Variants in GAP43 observed in about 807,000 individuals in gnomAD.
GAP43 encodes the protein neuromodulin.
GAP43 carries 6 observed loss-of-function variants against 18.6 expected under a neutral mutation model. The ratio of observed to expected loss-of-function variants is 0.32; its 90% CI spans 0.18 to 0.64. The LOEUF (loss-of-function observed/expected upper bound fraction) is 0.64, where lower values mean the gene tolerates loss of function less well. Among genes scored for constraint, GAP43 ranks in the 30% least tolerant of loss-of-function variants. The probability of loss-of-function intolerance (pLI) is 0.78; values close to 1 mark genes in which losing one functional copy is unlikely to be tolerated. For missense variants in GAP43, 292 were observed against 295.5 expected, an observed-to-expected ratio of 0.99 and a Z score of 0.09; for synonymous variants, 115 against 111.4, an observed-to-expected ratio of 1.03 and a Z score of -0.20.
At chr3:115,625,023 A>G (rs1429948369) in intron 1 of GAP43, among the ~76,000 whole-genome samples, 3 of 151,884 alleles carry the variant, frequency 2.0e-5, no homozygotes, top group Non-Finnish European at 4.4e-5. Context: ...AAATTGGGCA[A>G]TTTGTAATAC....
intron 1 of GAP43, among the ~76,000 whole-genome samples, chr3:115,663,230 C>T (rs1708687957): frequency 6.6e-6 from 1 of 152,038 alleles, no homozygotes; most frequent in Admixed American, 6.5e-5. Context: ...TACCTCACTA[C>T]AATTGTGAAA....
At chr3:115,693,252 T>G (rs1321793309) in intron 2 of GAP43, among the ~76,000 whole-genome samples, 1 of 152,208 alleles carries the variant, frequency 6.6e-6, no homozygotes, top group Non-Finnish European at 1.5e-5. Flanking sequence ...GCATCATACC[T>G]GAATTTATTA....
intron 2 of GAP43, among the ~76,000 whole-genome samples, chr3:115,699,172 A>T (rs541513671): frequency 6.6e-6 from 1 of 152,188 alleles, no homozygotes; most frequent in Non-Finnish European, 1.5e-5. Flanking sequence ...TACCTCCGCT[A>T]TTCATCTTGA....
chr3:115,713,378 A>G (rs968423237), intron 2 of GAP43, among the ~76,000 whole-genome samples: 2 of 152,136 alleles, frequency 1.3e-5, no homozygotes, highest in East Asian at 1.9e-4. Context: ...CCAAGAGGTA[A>G]TGTTTTACTC....
At chr3:115,683,145 GCGCACACACACACACACA>G (rs1708982941) in intron 2 of GAP43, among the ~76,000 whole-genome samples, 6 of 105,486 alleles carry the variant, frequency 5.7e-5, no homozygotes, top group African/African-American at 9.8e-5. Flanking sequence ...GCGCGCGCGC[GCGCACACACACACACACA>G]CACACACACA....
intron 2 of GAP43, among the ~76,000 whole-genome samples, chr3:115,716,767 T>TAGAG (rs1559809168): frequency 1.3e-5 from 1 of 79,412 alleles, no homozygotes; most frequent in African/African-American, 4.7e-5. Context: ...TATATATATA[T>TAGAG]ACAGAGAGAG....
At chr3:115,684,562 C>A (rs1030443829) in intron 2 of GAP43, among the ~76,000 whole-genome samples, 2 of 151,558 alleles carry the variant, frequency 1.3e-5, no homozygotes, top group African/African-American at 2.4e-5. Context: ...TCTGGAAGAA[C>A]GGTAAGTTCC....
intron 1 of GAP43, among the ~76,000 whole-genome samples, chr3:115,634,801 A>C (rs1244546049): frequency 2.0e-5 from 3 of 151,848 alleles, no homozygotes; most frequent in Non-Finnish European, 2.9e-5. Context: ...AAATAATAAA[A>C]ATTCCCCAGT....
chr3:115,690,518 T>C (rs888064071), intron 2 of GAP43, among the ~76,000 whole-genome samples: 7 of 152,182 alleles, frequency 4.6e-5, no homozygotes, highest in African/African-American at 1.7e-4. Context: ...TAATGATTTG[T>C]ATAACCTTCA....
At chr3:115,669,182 T>G (rs935571608) in intron 1 of GAP43, among the ~76,000 whole-genome samples, 8 of 152,180 alleles carry the variant, frequency 5.3e-5, no homozygotes, top group African/African-American at 1.9e-4. Flanking sequence ...TATTTTCAAG[T>G]GCTTGTTTAT....
chr3:115,658,023 T>C (rs758721945), intron 1 of GAP43, among the ~76,000 whole-genome samples: 50 of 152,184 alleles, frequency 3.3e-4, no homozygotes, highest in Non-Finnish European at 8.8e-5. Context: ...TTCTTCGGGG[T>C]ATTACATACC....
intron 1 of GAP43, among the ~76,000 whole-genome samples, chr3:115,638,710 TC>T (rs888536893): frequency 6.6e-6 from 1 of 151,954 alleles, no homozygotes; most frequent in Non-Finnish European, 1.5e-5. Flanking sequence ...TAAACACTGT[TC>T]CTTTTGTCTG....
intron 2 of GAP43, among the ~76,000 whole-genome samples, chr3:115,695,708 C>T (rs369861217): frequency 7.2e-5 from 11 of 152,160 alleles, no homozygotes; most frequent in African/African-American, 1.9e-4. Context: ...GTTTAATCCA[C>T]AACAATCACA....
chr3:115,646,915 A>G (rs1382209396), intron 1 of GAP43, among the ~76,000 whole-genome samples: 1 of 152,020 alleles, frequency 6.6e-6, no homozygotes, highest in Non-Finnish European at 1.5e-5. Flanking sequence ...AACCCCTACA[A>G]TGAACCAAAG....
chr3:115,647,555 G>A (rs1193482106), intron 1 of GAP43, among the ~76,000 whole-genome samples: 2 of 151,854 alleles, frequency 1.3e-5, no homozygotes, highest in Non-Finnish European at 1.5e-5. Flanking sequence ...AAAAAACTAG[G>A]AGAGTGCCCA....
chr3:115,676,671 GAC>G, intron 2 of GAP43, 61 bp downstream of exon 2: 1 of 1,457,298 alleles, frequency 6.9e-7, no homozygotes, highest in Non-Finnish European at 9.1e-7. Context: ...CTATTCGGAA[GAC>G]CAGGCCACCT....
At chr3:115,707,449 C>T (rs991506495) in intron 2 of GAP43, among the ~76,000 whole-genome samples, 8 of 151,910 alleles carry the variant, frequency 5.3e-5, no homozygotes, top group African/African-American at 1.9e-4. Context: ...GCCACCATGC[C>T]CAGCTAATTT....
intron 1 of GAP43, among the ~76,000 whole-genome samples, chr3:115,630,670 C>G (rs1293896184): frequency 6.6e-6 from 1 of 152,190 alleles, no homozygotes. Flanking sequence ...TTGCCATACC[C>G]TCACTTGATA....
intron 1 of GAP43, among the ~76,000 whole-genome samples, chr3:115,671,826 A>C (rs543005258): frequency 1.3e-5 from 2 of 152,318 alleles, no homozygotes; most frequent in South Asian, 4.1e-4. Context: ...TGGACATTTC[A>C]TCTTAACTCA....
Sources: gnomAD v4.1 joint callset for allele counts (sites outside exome capture counted in the v4.1 genomes callset) on GRCh38, gnomAD v4.1.1 for gene constraint, MANE v1.5 for transcripts, NCBI Gene and HGNC (gene_info 2026-07-23, HGNC 2026-07-21) for gene names.